MAD2L2: variants seen among roughly 807,000 people sequenced by gnomAD.
The protein encoded by MAD2L2 is mitotic spindle assembly checkpoint protein MAD2B.
A neutral mutation model predicts 30.5 loss-of-function variants in MAD2L2; 17 were observed. The ratio of observed to expected loss-of-function variants is 0.56; its 90% CI spans 0.38 to 0.84. MAD2L2 has a LOEUF of 0.84. Among genes scored for constraint, MAD2L2 ranks in the 40% least tolerant of loss-of-function variants. MAD2L2 has a pLI of 0.00. For missense variants in MAD2L2, 213 were observed against 277.4 expected (o/e 0.77, Z 1.65); for synonymous variants, 101 against 113.9 (o/e 0.89, Z 0.72).
At position 11,679,151 on chromosome 1, in the gene MAD2L2, G is replaced by A. The variant is rs571248345; in HGVS notation, c.159+1202C>T. Among the ~76,000 whole-genome samples, 8 of 152,208 alleles carry A rather than the reference G, an allele frequency of 5.3e-5. No individual in the cohort carries two copies. In the South Asian group the frequency reaches 8.3e-4, roughly 16 times the overall value. The stretch of plus-strand genomic sequence containing the variant: ...TGCACTCCAGCCAGGGCGACAGAGC[G>A]AGACTCAGTCTCAAAAAATAAAATA... On this transcript the variant is annotated intron_variant, in intron 3 of 8. Coordinates refer to ENST00000376692, the MANE Select transcript of MAD2L2 (RefSeq NM_006341.4).
chr1:11,677,444 A>G (rs780162508), intron 4 of MAD2L2, 99 bp downstream of exon 4: 13 of 1,169,750 alleles, frequency 1.1e-5, no homozygotes, highest in Non-Finnish European at 1.7e-5. Flanking sequence ...AAGACCCCAC[A>G]GAGTCCTAGC....
chr1:11,684,771 G>A (rs1640930790), upstream of MAD2L2, among the ~76,000 whole-genome samples: 1 of 152,082 alleles, frequency 6.6e-6, no homozygotes, highest in South Asian at 2.1e-4. Context: ...TGGGTATGGG[G>A]GACATACAGA....
At chr1:11,689,696 C>T (rs905254705) in intron 1 of MAD2L2, among the ~76,000 whole-genome samples, 1 of 152,148 alleles carries the variant, frequency 6.6e-6, no homozygotes, top group Non-Finnish European at 1.5e-5. Flanking sequence ...AACCAGCAAC[C>T]CTTGGTGCTG....
chr1:11,680,543 G>A lies in MAD2L2; in HGVS notation c.40+19C>T. ...CCCAGACGCCCCCGCCCCCGGGCCC[G>A]CAGGTCCAGCCTCCCTACCTTGGCC... On this transcript the variant is annotated intron_variant, in intron 2 of 8. Transcript: ENST00000376692. The A allele has an allele frequency of 6.2e-7, 1 of 1,606,986 alleles. No homozygotes were observed. Among genetic ancestry groups the A allele is most frequent in the Non-Finnish European group, 8.5e-7 (1 of 1,175,984 alleles).
rs543360344 is a variant in MAD2L2, at chr1:11,675,063, G to A, written c.594+19C>T. The A allele has an allele frequency of 7.7e-6, 12 of 1,559,406 alleles. No individual in the cohort carries two copies. Among genetic ancestry groups the A allele is most frequent in the East Asian group, 2.3e-5 (1 of 44,266 alleles). On this transcript the variant is annotated intron_variant, in intron 8 of 8. Transcript: ENST00000376692. ...AAGCAGCCCCTAAATAAAGCTTCCC[G>A]GGTCCCCACGAAGCTCACCTTTAAA...
At chr1:11,685,774 T>C (rs1438662561), upstream of MAD2L2, among the ~76,000 whole-genome samples, 1 of 152,014 alleles carries the variant, frequency 6.6e-6, no homozygotes, top group African/African-American at 2.4e-5. Flanking sequence ...CTGGGCAACA[T>C]GGCAAAAACT....
Position 11,674,649 on chromosome 1 carries a change from G to A in MAD2L2, c.*126C>T, listed in dbSNP as rs1011002004. 1.1e-4 allele frequency: 109 copies of A among 1,027,726 alleles called. No individual in the cohort carries two copies. The highest frequency in any genetic ancestry group is 1.4e-4 in the Non-Finnish European group (97 of 674,534). 63.7% of individuals were successfully genotyped at this position (1,027,726 alleles called of 1,614,324 possible). On this transcript the variant is annotated 3_prime_UTR_variant, in exon 9 of 9. Coordinates refer to ENST00000376692, the MANE Select transcript of MAD2L2 (RefSeq NM_006341.4). This position sits in a 1 kb window ranked among gnomAD's most constrained non-coding sequence, Gnocchi z 6.1. ...AGCAGACCTGAGCGGCCCCGGGCTG[G>A]GGCGGGCGATCCACACACAGAGGCG...
In MAD2L2 at chr1:11,674,656, C is replaced by T. The variant is rs1309903928; in HGVS notation, c.*119G>A. 22 of 1,102,734 alleles carry T rather than the reference C, an allele frequency of 2.0e-5. No individual in the cohort carries two copies. In the Middle Eastern group the frequency reaches 1.3e-3, roughly 66 times the overall value. 68.3% of individuals were successfully genotyped at this position (1,102,734 alleles called of 1,614,324 possible). A position where few individuals can be genotyped will look rare whatever the true frequency, so the allele number is the denominator to read the frequency against. On this transcript the variant is annotated 3_prime_UTR_variant, in exon 9 of 9. Coordinates refer to ENST00000376692, the MANE Select transcript of MAD2L2 (RefSeq NM_006341.4). The surrounding 1 kb of genome is among the most constrained non-coding windows in gnomAD (Gnocchi z 6.1). ...CTGAGCGGCCCCGGGCTGGGGCGGG[C>T]GATCCACACACAGAGGCGATAAGAG...
At chr1:11,679,048 C>T (rs1467345661) in intron 3 of MAD2L2, among the ~76,000 whole-genome samples, 12 of 152,162 alleles carry the variant, frequency 7.9e-5, no homozygotes, top group African/African-American at 1.2e-4. Flanking sequence ...CCTGTAATCC[C>T]AGCTACTCGG....
Position 11,675,730 on chromosome 1 carries a change from G to A in MAD2L2, c.429C>T (p.Gly143=), listed in dbSNP as rs530535641. Reference sequence around the variant, plus strand: ...TGTGCACCAGGACTGTGAAGGTACAGCCTGGAGAGGCAAGAGGTTGGTGGA... The same window carrying A: ...TGTGCACCAGGACTGTGAAGGTACAACCTGGAGAGGCAAGAGGTTGGTGGA... ...CDAVLDHNPP[G]CTFTVLVHTR... Residue 143 remains glycine (G), a splice_region_variant and synonymous_variant, in exon 7 of 9, where the codon GGC becomes GGT. Coordinates refer to ENST00000376692, the MANE Select transcript of MAD2L2 (RefSeq NM_006341.4). The A allele has an allele frequency of 4.3e-6, 7 of 1,613,704 alleles. No individual in the cohort carries two copies. In the East Asian group the frequency reaches 1.6e-4, roughly 36 times the overall value.
chr1:11,680,333 G>A lies in MAD2L2; in HGVS notation c.159+20C>T, dbSNP rs1350639436. 6.3e-7 allele frequency: 1 copy of A among 1,598,292 alleles called. No individual in the cohort carries two copies. The highest frequency in any genetic ancestry group is 1.1e-5 in the South Asian group (1 of 90,602). On this transcript the variant is annotated intron_variant, in intron 3 of 8. Coordinates refer to ENST00000376692, the MANE Select transcript of MAD2L2 (RefSeq NM_006341.4). ...AAAGTCCACCCTGTACCCACTCTGTGGTTCTGGGACGTGCCTCACCTGGAC... is the reference window on the plus strand; with the variant it reads ...AAAGTCCACCCTGTACCCACTCTGTAGTTCTGGGACGTGCCTCACCTGGAC...
chr1:11,679,334 T>C (rs1182763933), intron 3 of MAD2L2, among the ~76,000 whole-genome samples: 1 of 152,180 alleles, frequency 6.6e-6, no homozygotes, highest in South Asian at 2.1e-4. Flanking sequence ...GTTTCCTGAG[T>C]GCCTTCCAGA....
In MAD2L2 at chr1:11,687,140, A is replaced by T. The variant is rs1353349334; in HGVS notation, c.-692+4273T>A. ...GAGTGCAGTGACGCAATCACAGCTCACTGAAGCCTCAACCTCCTGGGCTCA... is the reference window on the plus strand; with the variant it reads ...GAGTGCAGTGACGCAATCACAGCTCTCTGAAGCCTCAACCTCCTGGGCTCA... On this transcript the variant is annotated intron_variant, in intron 1 of 10. Coordinates refer to the MAD2L2 transcript ENST00000235310. The surrounding 1 kb of genome is among the most constrained non-coding windows in gnomAD (Gnocchi z 4.1). 6.6e-6 allele frequency among the ~76,000 whole-genome samples: 1 copy of T among 152,148 alleles called. No homozygotes were observed. Among genetic ancestry groups the T allele is most frequent in the Non-Finnish European group, 1.5e-5 (1 of 68,016 alleles).
intron 3 of MAD2L2, among the ~76,000 whole-genome samples, chr1:11,678,466 G>A (rs1199296294): frequency 6.6e-6 from 1 of 152,158 alleles, no homozygotes; most frequent in Admixed American, 6.5e-5. Context: ...TATACCATTA[G>A]GGGTTCTTAA....
rs1315511533 is a variant in MAD2L2, at chr1:11,687,349, C to T, written c.-692+4064G>A. Among the ~76,000 whole-genome samples the T allele has an allele frequency of 6.6e-6, 1 of 152,236 alleles. No individual in the cohort carries two copies. The highest frequency in any genetic ancestry group is 2.4e-5 in the African/African-American group (1 of 41,466). On this transcript the variant is annotated intron_variant, in intron 1 of 10. Coordinates refer to the MAD2L2 transcript ENST00000235310. The surrounding 1 kb of genome is among the most constrained non-coding windows in gnomAD (Gnocchi z 4.1). The stretch of plus-strand genomic sequence containing the variant: ...CTGCCTCCCCGATTCAAGCGATTCT[C>T]CTGCCTCAGCCTCCCGAGTAGCTGG...
chr1:11,685,502 T>A (rs914696418), upstream of MAD2L2, among the ~76,000 whole-genome samples: 5 of 152,218 alleles, frequency 3.3e-5, no homozygotes, highest in Admixed American at 3.3e-4. Context: ...GTGTCCAACC[T>A]GCTGCTTCTC....
In MAD2L2 at chr1:11,680,569, A is replaced by G. The variant is rs760293423; in HGVS notation, c.33T>C (p.Phe11=). ...CAGGTCCAGCCTCCCTACCTTGGCC[A>G]AAGTTGAGGTCTTGTCGTGTGAGCG... MTTLTRQDLN[F]GQVVADVLCE... The change falls in exon 2 of 9, where the codon TTT becomes TTC. Residue 11 remains phenylalanine (F), a synonymous_variant. Transcript: ENST00000376692. The G allele has an allele frequency of 1.9e-5, 31 of 1,600,004 alleles. No homozygotes were observed. Among genetic ancestry groups the G allele is most frequent in the Non-Finnish European group, 2.6e-5 (30 of 1,172,196 alleles).
chr1:11,675,185 G>C lies in MAD2L2; in HGVS notation c.502-11C>G, dbSNP rs1640737618. 6.3e-7 allele frequency: 1 copy of C among 1,576,402 alleles called. No individual in the cohort carries two copies. ...GATCCAGGGGAAATCCTAGGGAGGA[G>C]ACAAAGGTCAGGGGGGTGACGGGGC... On this transcript the variant is annotated splice_polypyrimidine_tract_variant and intron_variant, in intron 7 of 8. Coordinates refer to ENST00000376692, the MANE Select transcript of MAD2L2 (RefSeq NM_006341.4).
intron 7 of MAD2L2, among the ~76,000 whole-genome samples, 159 bp downstream of exon 7, chr1:11,675,499 C>T (rs1040445582): frequency 3.9e-5 from 6 of 152,224 alleles, no homozygotes; most frequent in Non-Finnish European, 2.9e-5. Flanking sequence ...CCCCAAGTGC[C>T]CAGATGGAGC....
Sources: gnomAD v4.1 joint callset for allele counts (sites outside exome capture counted in the v4.1 genomes callset) on GRCh38, gnomAD v4.1.1 for gene constraint, Gnocchi (gnomAD v3.1) non-coding constraint, MANE v1.5 for transcripts, NCBI Gene and HGNC (gene_info 2026-07-23, HGNC 2026-07-21) for gene names.